TPST2: variants seen among roughly 807,000 people sequenced by gnomAD.
TPST2 encodes the protein tyrosylprotein sulfotransferase 2, also known as protein-tyrosine sulfotransferase 2.
TPST2 carries 16 observed loss-of-function variants against 27.8 expected under a neutral mutation model. That is an observed-to-expected ratio of 0.58 (90% CI 0.39 to 0.88). The LOEUF (loss-of-function observed/expected upper bound fraction) is 0.88. Among genes scored for constraint, TPST2 ranks in the 40% least tolerant of loss-of-function variants. The probability of loss-of-function intolerance (pLI) is 0.00; values close to 1 mark genes in which losing one functional copy is unlikely to be tolerated. For synonymous variants in TPST2, 229 were observed against 231.7 expected (o/e 0.99, Z 0.10); for missense variants, 464 against 543.1 (o/e 0.85, Z 1.45).
chr22:26,583,375 T>G (rs1451573671), intron 1 of TPST2, among the ~76,000 whole-genome samples: 1 of 141,112 alleles, frequency 7.1e-6, no homozygotes, highest in Non-Finnish European at 1.5e-5. Context: ...AGGCAGGGGT[T>G]GCAGTGAGCC....
chr22:26,537,654 T>C (rs1213775098), intron 3 of TPST2, among the ~76,000 whole-genome samples: 1 of 152,178 alleles, frequency 6.6e-6, no homozygotes, highest in Admixed American at 6.5e-5. Context: ...GGTTTCACCA[T>C]GTTGGCCAGG....
chr22:26,523,062 T>C lies in TPST2; in HGVS notation c.*3213A>G, dbSNP rs965459641. 5 of 150,370 alleles carry C rather than the reference T, an allele frequency of 3.3e-5. No individual in the cohort carries two copies. Among genetic ancestry groups the C allele is most frequent in the African/African-American group, 1.2e-4 (5 of 40,984 alleles). 9.3% of individuals were successfully genotyped at this position (150,370 alleles called of 1,614,324 possible). A position where few individuals can be genotyped will look rare whatever the true frequency, so the allele number is the denominator to read the frequency against. The stretch of plus-strand genomic sequence containing the variant: ...GAGCTGTGTTTGCAGGAGTTAGAGG[T>C]TGCAGTGAGCTGTGTTTGCAGGAGT... On this transcript the variant is annotated 3_prime_UTR_variant, in exon 7 of 7. Coordinates refer to ENST00000338754, the MANE Select transcript of TPST2 (RefSeq NM_003595.5).
chr22:26,553,004 G>A (rs953259464), intron 1 of TPST2, among the ~76,000 whole-genome samples: 4 of 144,168 alleles, frequency 2.8e-5, no homozygotes, highest in Non-Finnish European at 4.5e-5. Flanking sequence ...AGGTTGCAGT[G>A]AGCTGAGATT....
At chr22:26,570,053 A>AAGAAAGACAGAC (rs1927568203) in intron 1 of TPST2, among the ~76,000 whole-genome samples, 5 of 131,626 alleles carry the variant, frequency 3.8e-5, no homozygotes, top group South Asian at 5.0e-4. Flanking sequence ...GACAGAAAGA[A>AAGAAAGACAGAC]AGAAAGAAAG....
chr22:26,571,088 T>C (rs1447422992), intron 1 of TPST2, among the ~76,000 whole-genome samples: 1 of 152,196 alleles, frequency 6.6e-6, no homozygotes, highest in East Asian at 1.9e-4. Context: ...CATCCTCCCA[T>C]GGCTCCCACT....
intron 1 of TPST2, among the ~76,000 whole-genome samples, chr22:26,588,447 C>A (rs1291682655): frequency 6.6e-6 from 1 of 152,076 alleles, no homozygotes; most frequent in Non-Finnish European, 1.5e-5. Context: ...TAAAAATGTT[C>A]TAAAATTAGA....
chr22:26,529,012 C>A (rs990592398), intron 5 of TPST2, among the ~76,000 whole-genome samples: 17 of 141,456 alleles, frequency 1.2e-4, no homozygotes, highest in East Asian at 4.3e-4. Context: ...AAAAAAAAAA[C>A]AAAACGTATC....
At chr22:26,575,081 G>A (rs751884399) in intron 1 of TPST2, among the ~76,000 whole-genome samples, 23 of 152,052 alleles carry the variant, frequency 1.5e-4, no homozygotes, top group Non-Finnish European at 2.4e-4. Flanking sequence ...AGATGCAGGG[G>A]TAAGAATCTA....
At chr22:26,569,960 A>C (rs1927538440) in intron 1 of TPST2, among the ~76,000 whole-genome samples, 1 of 95,492 alleles carries the variant, frequency 1.0e-5, no homozygotes, top group Non-Finnish European at 2.0e-5. Flanking sequence ...AAAAAAAAAA[A>C]AAAAAAAGGA....
At chr22:26,570,048 A>G (rs1927565976) in intron 1 of TPST2, among the ~76,000 whole-genome samples, 1 of 86,228 alleles carries the variant, frequency 1.2e-5, no homozygotes, top group Non-Finnish European at 2.3e-5. Context: ...AGAAAGACAG[A>G]AAGAAAGAAA....
intron 1 of TPST2, among the ~76,000 whole-genome samples, chr22:26,551,205 G>A (rs1023262803): frequency 1.3e-5 from 2 of 152,194 alleles, no homozygotes; most frequent in Admixed American, 6.5e-5. Flanking sequence ...AGGATGGCTT[G>A]AGCCTGGGAG....
In TPST2 at chr22:26,541,320, G is replaced by T; in HGVS notation, c.311C>A (p.Pro104Gln). 4 of 1,545,462 alleles carry T rather than the reference G, an allele frequency of 2.6e-6. No homozygotes were observed. The highest frequency in any genetic ancestry group is 3.5e-6 in the Non-Finnish European group (4 of 1,143,928). The change falls in exon 3 of 7, where the codon CCG becomes CAG. Residue 104 changes from proline to glutamine, a missense_variant. Coordinates refer to ENST00000338754, the MANE Select transcript of TPST2 (RefSeq NM_003595.5). This position sits in a 1 kb window ranked among gnomAD's most constrained non-coding sequence, Gnocchi z 5.9. Reference protein sequence around the residue: ...VRCGEETRIIPRVLAMRQAWS... With the variant: ...VRCGEETRIIQRVLAMRQAWS... ...GGCCTGGCGCATGGCCAGCACGCGCGGGATGATGCGGGTCTCCTCGCCGCA... is the reference window on the plus strand; with the variant it reads ...GGCCTGGCGCATGGCCAGCACGCGCTGGATGATGCGGGTCTCCTCGCCGCA...
At chr22:26,577,720 ACAAGCTCGGCTCACTG>A in intron 1 of TPST2, among the ~76,000 whole-genome samples, 1 of 143,696 alleles carries the variant, frequency 7.0e-6, no homozygotes, top group Non-Finnish European at 1.5e-5. Flanking sequence ...ATGCAGTGGC[ACAAGCTCGGCTCACTG>A]CAACCTCCAT....
At chr22:26,584,573 G>C (rs542420771) in intron 1 of TPST2, among the ~76,000 whole-genome samples, 252 of 152,212 alleles carry the variant, frequency 1.7e-3, no homozygotes, top group Non-Finnish European at 2.7e-3. Flanking sequence ...GCCAAGGTGG[G>C]ATGATCGCTT....
chr22:26,577,649 ATTTTTTT>A (rs771843747), intron 1 of TPST2, among the ~76,000 whole-genome samples: 10 of 93,384 alleles, frequency 1.1e-4, no homozygotes, highest in Non-Finnish European at 1.6e-4. Flanking sequence ...GCACCCGGCC[ATTTTTTT>A]TTTTTTTTTT....
rs371475674 is a variant in TPST2, at chr22:26,536,504, G to A, written c.843-18C>T. 12 of 1,504,166 alleles carry A rather than the reference G, an allele frequency of 8.0e-6. No homozygotes were observed. The highest frequency in any genetic ancestry group is 4.6e-5 in the Admixed American group (2 of 43,122). The allele number at this position is 1,504,166 out of a possible 1,614,324, so 93.2% of individuals were successfully genotyped here. On this transcript the variant is annotated intron_variant, in intron 3 of 6. Transcript: ENST00000338754. ...GCTCGATCCTGGGGAGAGAGGAGAC[G>A]CTGGAGAGGGTAGGGCAGACCCAGA...
At chr22:26,563,946 G>A (rs773257468) in intron 1 of TPST2, among the ~76,000 whole-genome samples, 1 of 152,184 alleles carries the variant, frequency 6.6e-6, no homozygotes, top group Non-Finnish European at 1.5e-5. Context: ...CTACCTGTAG[G>A]GGGTCGGCGG....
At chr22:26,582,693 A>C (rs1928162239) in intron 1 of TPST2, among the ~76,000 whole-genome samples, 1 of 152,134 alleles carries the variant, frequency 6.6e-6, no homozygotes, top group Non-Finnish European at 1.5e-5. Context: ...TTCTAGTGGA[A>C]GACGTCACTC....
intron 1 of TPST2, among the ~76,000 whole-genome samples, chr22:26,585,196 G>A (rs756203725): frequency 6.6e-5 from 10 of 152,194 alleles, no homozygotes; most frequent in Non-Finnish European, 1.3e-4. Flanking sequence ...TTTCTGGGCT[G>A]CCTGCCTGCT....
Sources: gnomAD v4.1 joint callset for allele counts (sites outside exome capture counted in the v4.1 genomes callset) on GRCh38, gnomAD v4.1.1 for gene constraint, Gnocchi (gnomAD v3.1) non-coding constraint, MANE v1.5 for transcripts, NCBI Gene and HGNC (gene_info 2026-07-23, HGNC 2026-07-21) for gene names.